The following PRKD3 variants were observed in gnomAD, a reference collection of about 807,000 sequenced individuals.
PRKD3 encodes the protein protein kinase D3.
A neutral mutation model predicts 99.2 loss-of-function variants in PRKD3; 47 were observed. The observed-to-expected ratio is 0.47, with a 90% CI of 0.38 to 0.60. PRKD3 has a LOEUF of 0.60. PRKD3 is among the 20% of genes least tolerant of loss of function. The pLI is 0.00. For synonymous variants in PRKD3, 392 were observed against 355.4 expected (o/e 1.10, Z -1.16); for missense variants, 1,019 against 1,088.4 (o/e 0.94, Z 0.90).
intron 1 of PRKD3, among the ~76,000 whole-genome samples, chr2:37,320,081 A>G (rs1368333195): frequency 1.3e-5 from 2 of 152,250 alleles, no homozygotes; most frequent in Admixed American, 1.3e-4. Context: ...ACTTTATGCT[A>G]AACACATAAA....
rs1667646279 is a variant in PRKD3 at position 37,253,121 on chromosome 2, C to T, written c.*56G>A. On this transcript the variant is annotated 3_prime_UTR_variant, in exon 19 of 19. Transcript: ENST00000234179. ...GACAATCTACAAAGAACAAGTTACA[C>T]AGCAAAATATCAGTCCATAAAATGA... 2 of 1,493,456 alleles carry T rather than the reference C, an allele frequency of 1.3e-6. No homozygotes were observed. The highest frequency in any genetic ancestry group is 2.8e-5 in the African/African-American group (2 of 71,566). 92.5% of individuals were successfully genotyped at this position (1,493,456 alleles called of 1,614,324 possible). A position where few individuals can be genotyped will look rare whatever the true frequency, so the allele number is the denominator to read the frequency against.
At chr2:37,312,669 AGTAACTACACGT>A (rs1553379182) in intron 2 of PRKD3, among the ~76,000 whole-genome samples, 2 of 152,222 alleles carry the variant, frequency 1.3e-5, no homozygotes, top group Non-Finnish European at 2.9e-5. Context: ...TCCCTTATAG[AGTAACTACACGT>A]GTTCAATAAC....
At chr2:37,290,526 G>A (rs1180695734) in intron 4 of PRKD3, among the ~76,000 whole-genome samples, 1 of 152,162 alleles carries the variant, frequency 6.6e-6, no homozygotes, top group African/African-American at 2.4e-5. Context: ...GAGCCACCGT[G>A]CCTGGCCAAG....
chr2:37,289,452 T>C lies in PRKD3; in HGVS notation c.621A>G (p.Val207=). 6.2e-7 allele frequency: 1 copy of C among 1,613,878 alleles called. No homozygotes were observed. The highest frequency in any genetic ancestry group is 8.5e-7 in the Non-Finnish European group (1 of 1,179,780). The change falls in exon 5 of 19, where the codon GTA becomes GTG. Residue 207 remains valine (V), a synonymous_variant. Transcript: ENST00000234179. ...AFKIPNNCSG[V]RKRRLSNVSL... ...ATACATTTGACAGACGTCTCTTTCT[T>C]ACTCCACTACAGTTATTTGGAATCT...
chr2:37,311,974 C>A (rs1025041566), intron 2 of PRKD3, among the ~76,000 whole-genome samples: 5 of 152,208 alleles, frequency 3.3e-5, no homozygotes, highest in African/African-American at 1.2e-4. Context: ...ATGCATATAA[C>A]CTTGCAACTA....
intron 14 of PRKD3, among the ~76,000 whole-genome samples, chr2:37,263,635 T>G (rs1354007577): frequency 6.6e-6 from 1 of 152,216 alleles, no homozygotes; most frequent in African/African-American, 2.4e-5. Flanking sequence ...TAATGTGTTT[T>G]CCCTTGAGTT....
Position 37,316,625 on chromosome 2 carries a change from G to C in PRKD3, c.-101C>G. The C allele has an allele frequency of 2.7e-6, 4 of 1,496,206 alleles. No homozygotes were observed. Among genetic ancestry groups the C allele is most frequent in the East Asian group, 2.3e-5 (1 of 42,628 alleles). The allele number at this position is 1,496,206 out of a possible 1,614,324, so 92.7% of individuals were successfully genotyped here. On this transcript the variant is annotated 5_prime_UTR_variant, in exon 2 of 19. The change creates a new upstream start codon in the 5' untranslated region. Coordinates refer to ENST00000234179, the MANE Select transcript of PRKD3 (RefSeq NM_005813.6). ...AGTAAAGAAAATGACCGCACTTTTG[G>C]ATTTAGTTGAAAACTTCTTTATTTC...
chr2:37,319,173 A>C (rs1213567495), intron 1 of PRKD3, among the ~76,000 whole-genome samples: 1 of 152,220 alleles, frequency 6.6e-6, no homozygotes, highest in Non-Finnish European at 1.5e-5. Flanking sequence ...CTTGCCCAAG[A>C]CCACAAAATC....
intron 1 of PRKD3, among the ~76,000 whole-genome samples, chr2:37,323,996 C>T (rs1197128427): frequency 1.3e-5 from 2 of 152,156 alleles, no homozygotes; most frequent in Non-Finnish European, 2.9e-5. Flanking sequence ...CTGCGTTCAC[C>T]TGAAATAAAA....
At chr2:37,322,278 T>C (rs1671918717) in intron 1 of PRKD3, among the ~76,000 whole-genome samples, 1 of 152,254 alleles carries the variant, frequency 6.6e-6, no homozygotes, top group Non-Finnish European at 1.5e-5. Flanking sequence ...GTCTACGTCG[T>C]TGGTTTTTAA....
At chr2:37,256,566 G>A (rs1667956724) in intron 17 of PRKD3, 96 bp downstream of exon 17, 1 of 1,361,248 alleles carries the variant, frequency 7.3e-7, no homozygotes, top group African/African-American at 1.5e-5. Flanking sequence ...AAAAAGATAA[G>A]TTGCAAGAGA....
At chr2:37,285,452 T>G (rs1487233462) in intron 6 of PRKD3, among the ~76,000 whole-genome samples, 1 of 152,176 alleles carries the variant, frequency 6.6e-6, no homozygotes, top group Non-Finnish European at 1.5e-5. Flanking sequence ...TAGCTTTTAT[T>G]ACGTCCTACC....
intron 4 of PRKD3, among the ~76,000 whole-genome samples, chr2:37,290,424 G>C (rs578211996): frequency 6.6e-6 from 1 of 152,252 alleles, no homozygotes; most frequent in Admixed American, 6.5e-5. Flanking sequence ...AGTAGAGACA[G>C]GGTTTCGCCA....
intron 4 of PRKD3, among the ~76,000 whole-genome samples, chr2:37,289,971 AAAGT>A (rs1670320738): frequency 6.6e-6 from 1 of 152,190 alleles, no homozygotes; most frequent in Non-Finnish European, 1.5e-5. Context: ...GTCCCTAAAT[AAAGT>A]TTTATTGGAA....
chr2:37,315,043 T>C (rs1260682401), intron 2 of PRKD3, among the ~76,000 whole-genome samples: 2 of 152,164 alleles, frequency 1.3e-5, no homozygotes, highest in Non-Finnish European at 2.9e-5. Flanking sequence ...TGATAAACTA[T>C]ATAAAGCGTA....
At chr2:37,276,365 C>A (rs1669571395) in intron 9 of PRKD3, among the ~76,000 whole-genome samples, 2 of 152,068 alleles carry the variant, frequency 1.3e-5, no homozygotes, top group South Asian at 4.1e-4. Context: ...CTTTGCTATA[C>A]TGAAAAATAA....
chr2:37,295,426 A>G (rs1178889813), intron 2 of PRKD3, among the ~76,000 whole-genome samples: 1 of 152,346 alleles, frequency 6.6e-6, no homozygotes, highest in East Asian at 1.9e-4. Context: ...ATCATCAATG[A>G]GAAGTTACAA....
chr2:37,305,682 T>A (rs1302825383), intron 2 of PRKD3, among the ~76,000 whole-genome samples: 4 of 152,346 alleles, frequency 2.6e-5, no homozygotes, highest in East Asian at 3.9e-4. Flanking sequence ...ATAGTTTTTT[T>A]ATACGTTAAA....
intron 10 of PRKD3, among the ~76,000 whole-genome samples, 162 bp from the exon 11 acceptor site, chr2:37,274,859 G>C (rs760791704): frequency 6.6e-6 from 1 of 152,212 alleles, no homozygotes; most frequent in Non-Finnish European, 1.5e-5. Flanking sequence ...GGCCTGTCTT[G>C]AATGAGCTGC....
Sources: allele counts gnomAD v4.1 joint callset (sites outside exome capture counted in the v4.1 genomes callset), GRCh38; gene constraint gnomAD v4.1.1; transcripts MANE v1.5; gene names NCBI Gene and HGNC (gene_info 2026-07-23, HGNC 2026-07-21).